Variants in CLPB observed in about 807,000 individuals in gnomAD.
CLPB encodes the protein ClpB family mitochondrial disaggregase, also known as mitochondrial disaggregase.
CLPB carries 40 observed loss-of-function variants against 78.4 expected under a neutral mutation model. That is an observed-to-expected ratio of 0.51 (90% CI 0.40 to 0.66). CLPB has a LOEUF of 0.66. CLPB is among the 30% of genes least tolerant of loss of function. CLPB has a pLI of 0.00. For missense variants in CLPB, 780 were observed against 886.9 expected (o/e 0.88, Z 1.53); for synonymous variants, 333 against 348.0 (o/e 0.96, Z 0.48).
chr11:72,289,984 G>C lies in CLPB; in HGVS notation c.*3383C>G, dbSNP rs1219402817. On this transcript the variant is annotated 3_prime_UTR_variant, in exon 16 of 16. Transcript: ENST00000538039. ...TTTTCTAGCTCTGTCTGCTGAGCAG[G>C]CCTACAAGCAATGACACTCCGCCAA... 6.6e-6 allele frequency: 1 copy of C among 152,138 alleles called. No homozygotes were observed. Among genetic ancestry groups the C allele is most frequent in the African/African-American group, 2.4e-5 (1 of 41,412 alleles). 9.4% of individuals were successfully genotyped at this position (152,138 alleles called of 1,614,324 possible). A position where few individuals can be genotyped will look rare whatever the true frequency, so the allele number is the denominator to read the frequency against.
At chr11:72,348,318 A>T (rs1257496476) in intron 5 of CLPB, among the ~76,000 whole-genome samples, 1 of 152,184 alleles carries the variant, frequency 6.6e-6, no homozygotes, top group East Asian at 1.9e-4. Flanking sequence ...TAAACAACAG[A>T]CAGTCACTTC....
At position 72,302,483 on chromosome 11, in the gene CLPB, G is replaced by C. The variant is rs992613025; in HGVS notation, c.1123-135C>G. 3 of 771,806 alleles carry C rather than the reference G, an allele frequency of 3.9e-6. No individual in the cohort carries two copies. The African/African-American group carries it at 5.2e-5, about 13-fold the overall frequency. The allele number at this position is 771,806 out of a possible 1,614,324, so 47.8% of individuals were successfully genotyped here. ...ATAAGATCTTCTATCTCACGCTCAA[G>C]ATGTTTTTTTCTGACTTCCTGTCTC... is the stretch of plus-strand genomic sequence containing the variant. On this transcript the variant is annotated intron_variant, in intron 9 of 15. Transcript: ENST00000538039.
At chr11:72,395,220 T>C (rs999410848) in intron 3 of CLPB, among the ~76,000 whole-genome samples, 8 of 152,200 alleles carry the variant, frequency 5.3e-5, no homozygotes, top group Non-Finnish European at 1.0e-4. Flanking sequence ...GTCAGCTTTC[T>C]GAGAACAAGG....
At chr11:72,314,783 G>C (rs981623208) in intron 7 of CLPB, among the ~76,000 whole-genome samples, 1 of 151,994 alleles carries the variant, frequency 6.6e-6, no homozygotes, top group African/African-American at 2.4e-5. Context: ...CAAGCAGAGA[G>C]GGTGGCAGAC....
At chr11:72,379,820 A>C (rs771062214) in intron 4 of CLPB, among the ~76,000 whole-genome samples, 3 of 152,126 alleles carry the variant, frequency 2.0e-5, no homozygotes, top group African/African-American at 2.4e-5. Context: ...GTATTTAGGG[A>C]CTTCTGAGGC....
At chr11:72,424,893 AC>A (rs1856324430) in intron 2 of CLPB, among the ~76,000 whole-genome samples, 1 of 151,950 alleles carries the variant, frequency 6.6e-6, no homozygotes, top group South Asian at 2.1e-4. Context: ...CTCAAAAAAA[AC>A]AAAACAAAAC....
At chr11:72,419,563 G>T (rs1856127397) in intron 2 of CLPB, among the ~76,000 whole-genome samples, 1 of 152,194 alleles carries the variant, frequency 6.6e-6, no homozygotes, top group Non-Finnish European at 1.5e-5. Flanking sequence ...TGTAGGGTCT[G>T]CTTGTTCTAG....
chr11:72,322,401 G>T (rs1156889082), intron 6 of CLPB, among the ~76,000 whole-genome samples: 3 of 152,138 alleles, frequency 2.0e-5, no homozygotes, highest in African/African-American at 7.2e-5. Flanking sequence ...CTCGTCTCAG[G>T]TGGAACTCCT....
chr11:72,411,385 C>T (rs780654129), intron 2 of CLPB, among the ~76,000 whole-genome samples: 1 of 152,214 alleles, frequency 6.6e-6, no homozygotes, highest in Non-Finnish European at 1.5e-5. Context: ...CTACAGGTCA[C>T]AAATTCCAGT....
chr11:72,359,755 C>T (rs1223567212), intron 4 of CLPB, among the ~76,000 whole-genome samples: 1 of 152,112 alleles, frequency 6.6e-6, no homozygotes, highest in Non-Finnish European at 1.5e-5. Flanking sequence ...ACTGTAAATG[C>T]AATTTTGTAA....
rs182658192 is a variant in CLPB, at chr11:72,388,666, T to C, written c.543-8282A>G. ...CAGTGGCGTCAAACACCTTGACATA[T>C]GGCCAGTAGGTTTTTTGTTCAACAG... On this transcript the variant is annotated intron_variant, in intron 3 of 15. Coordinates refer to ENST00000538039, the MANE Select transcript of CLPB (RefSeq NM_001258392.3). Among the ~76,000 whole-genome samples, 473 of 152,296 alleles carry C rather than the reference T, an allele frequency of 3.1e-3. 1 individual carries two copies. The highest frequency in any genetic ancestry group is 5.4e-3 in the Non-Finnish European group (367 of 68,016).
intron 7 of CLPB, among the ~76,000 whole-genome samples, chr11:72,313,018 C>G (rs1030963650): frequency 2.0e-5 from 3 of 152,134 alleles, no homozygotes; most frequent in African/African-American, 7.2e-5. Context: ...AGAGCGGCCT[C>G]CTCCTTCCAC....
chr11:72,294,955 C>T (rs918744680), intron 12 of CLPB, among the ~76,000 whole-genome samples: 1 of 149,814 alleles, frequency 6.7e-6, no homozygotes, highest in African/African-American at 2.5e-5. Flanking sequence ...GAGGAAACGT[C>T]AGGATTAAGA....
chr11:72,370,632 CATGCAGGCTGAT>C (rs1951024866), intron 4 of CLPB, among the ~76,000 whole-genome samples: 1 of 152,206 alleles, frequency 6.6e-6, no homozygotes, highest in Non-Finnish European at 1.5e-5. Flanking sequence ...GCTGGGGGCA[CATGCAGGCTGAT>C]ATGGTTGCTG....
chr11:72,433,734 C>T (rs374803625), intron 1 of CLPB, among the ~76,000 whole-genome samples: 8 of 151,944 alleles, frequency 5.3e-5, no homozygotes, highest in South Asian at 2.1e-4. Context: ...TTTCCGTTTC[C>T]TGGAGATCTC....
At chr11:72,371,966 T>C (rs1004316905) in intron 4 of CLPB, among the ~76,000 whole-genome samples, 1 of 152,236 alleles carries the variant, frequency 6.6e-6, no homozygotes, top group Non-Finnish European at 1.5e-5. Context: ...TTACTAATTA[T>C]TGTTCTTGCA....
chr11:72,335,532 G>A (rs956967122), intron 5 of CLPB, among the ~76,000 whole-genome samples: 9 of 152,206 alleles, frequency 5.9e-5, no homozygotes, highest in Middle Eastern at 3.4e-3. Flanking sequence ...CTTCCATCTT[G>A]GTTCTGAAAA....
chr11:72,320,870 G>C (rs1433600286), intron 6 of CLPB, among the ~76,000 whole-genome samples: 3 of 151,932 alleles, frequency 2.0e-5, no homozygotes, highest in African/African-American at 7.3e-5. Flanking sequence ...CCACCACCAC[G>C]CCCAGCTAGT....
intron 2 of CLPB, among the ~76,000 whole-genome samples, chr11:72,425,010 A>C (rs1856329788): frequency 1.3e-5 from 2 of 152,228 alleles, no homozygotes; most frequent in Non-Finnish European, 1.5e-5. Context: ...CAAGAGGCGC[A>C]GGTTGCAGTG....
Sources: allele counts gnomAD v4.1 joint callset (sites outside exome capture counted in the v4.1 genomes callset), GRCh38; gene constraint gnomAD v4.1.1; transcripts MANE v1.5; gene names NCBI Gene and HGNC (gene_info 2026-07-23, HGNC 2026-07-21).